Variants in CDKAL1 observed in about 807,000 individuals in gnomAD.
CDKAL1 encodes threonylcarbamoyladenosine tRNA methylthiotransferase.
In CDKAL1, 32 loss-of-function variants were observed where a neutral mutation model predicts 68.2. The observed-to-expected ratio is 0.47, with a 90% CI of 0.35 to 0.63. The LOEUF (loss-of-function observed/expected upper bound fraction) is 0.63. CDKAL1 is among the 30% of genes least tolerant of loss of function. CDKAL1 has a pLI of 0.00. For missense variants in CDKAL1, 606 were observed against 696.7 expected (o/e 0.87, Z 1.47); for synonymous variants, 234 against 244.3 (o/e 0.96, Z 0.39).
chr6:21,136,554 A>G (rs1003612883), intron 13 of CDKAL1, among the ~76,000 whole-genome samples: 1 of 152,252 alleles, frequency 6.6e-6, no homozygotes, highest in Non-Finnish European at 1.5e-5. Flanking sequence ...TTGAAAGCAC[A>G]AAGTATTCAG....
intron 4 of CDKAL1, among the ~76,000 whole-genome samples, chr6:20,618,549 G>C (rs1767031800): frequency 6.6e-6 from 1 of 152,194 alleles, no homozygotes; most frequent in Non-Finnish European, 1.5e-5. Flanking sequence ...AAGGCTTAAT[G>C]CTAGAAATTG....
intron 8 of CDKAL1, among the ~76,000 whole-genome samples, chr6:20,795,353 T>G (rs944161045): frequency 6.6e-6 from 1 of 152,164 alleles, no homozygotes; most frequent in Non-Finnish European, 1.5e-5. Flanking sequence ...TCTGAGAGAA[T>G]TAAGCCTAAA....
At chr6:21,034,031 A>G (rs1014230077) in intron 11 of CDKAL1, among the ~76,000 whole-genome samples, 1 of 152,170 alleles carries the variant, frequency 6.6e-6, no homozygotes, top group African/African-American at 2.4e-5. Context: ...TCTGCAAAGG[A>G]AAATATCTGG....
chr6:20,831,726 GT>G (rs1777726218), intron 8 of CDKAL1, among the ~76,000 whole-genome samples: 1 of 152,152 alleles, frequency 6.6e-6, no homozygotes, highest in Non-Finnish European at 1.5e-5. Flanking sequence ...TCAAGAAATG[GT>G]TTGTTGTTGT....
At position 20,539,299 on chromosome 6, in the gene CDKAL1, C is replaced by A. The variant is rs1252584001; in HGVS notation, c.-6+3905C>A. ...CTGCAGTAAAAGTATTTATTGAGAACCTGCAATGTGCTAGACATAGTTCTA... is the reference window on the plus strand; with the variant it reads ...CTGCAGTAAAAGTATTTATTGAGAAACTGCAATGTGCTAGACATAGTTCTA... On this transcript the variant is annotated intron_variant, in intron 2 of 15. Transcript: ENST00000274695. The surrounding 1 kb of genome is among the most constrained non-coding windows in gnomAD (Gnocchi z 4.3). Among the ~76,000 whole-genome samples, 1 of 152,136 alleles carries A rather than the reference C, an allele frequency of 6.6e-6. No homozygotes were observed. The highest frequency in any genetic ancestry group is 2.4e-5 in the African/African-American group (1 of 41,426).
intron 4 of CDKAL1, among the ~76,000 whole-genome samples, chr6:20,566,488 A>G (rs1764466066): frequency 6.6e-6 from 1 of 152,168 alleles, no homozygotes; most frequent in Admixed American, 6.5e-5. Context: ...AGGAAATTAT[A>G]AAATATACAT....
At chr6:20,589,106 A>G (rs1025576047) in intron 4 of CDKAL1, among the ~76,000 whole-genome samples, 1 of 152,200 alleles carries the variant, frequency 6.6e-6, no homozygotes, top group South Asian at 2.1e-4. Context: ...CTCCGTGAAC[A>G]TCTGCAGCCA....
intron 5 of CDKAL1, among the ~76,000 whole-genome samples, chr6:20,649,933 G>T (rs920921318): frequency 1.3e-5 from 2 of 152,184 alleles, no homozygotes; most frequent in African/African-American, 4.8e-5. Flanking sequence ...ATTCCATGGT[G>T]TATATGCACC....
chr6:21,134,444 TTA>T (rs1775478014), intron 13 of CDKAL1, among the ~76,000 whole-genome samples: 1 of 152,234 alleles, frequency 6.6e-6, no homozygotes, highest in Admixed American at 6.5e-5. Flanking sequence ...GTTTTATTAA[TTA>T]TGTTTTGTCA....
At chr6:20,714,923 C>T (rs1051543544) in intron 5 of CDKAL1, among the ~76,000 whole-genome samples, 2 of 151,958 alleles carry the variant, frequency 1.3e-5, no homozygotes, top group Admixed American at 6.6e-5. Flanking sequence ...GACTAGCAGC[C>T]TTGTTTTATT....
chr6:20,832,561 C>G (rs1356079783), intron 8 of CDKAL1, among the ~76,000 whole-genome samples: 1 of 151,748 alleles, frequency 6.6e-6, no homozygotes, highest in Non-Finnish European at 1.5e-5. Context: ...GAGACTGAGG[C>G]AAGAGGTTAG....
chr6:20,784,412 CTTTTTT>C (rs1175015329), intron 8 of CDKAL1, among the ~76,000 whole-genome samples: 42 of 33,482 alleles, frequency 1.3e-3, no homozygotes, highest in African/African-American at 3.2e-3. Context: ...TATTTTATTT[CTTTTTT>C]TTTTTTTTTT....
intron 13 of CDKAL1, among the ~76,000 whole-genome samples, chr6:21,138,214 T>C (rs1000841287): frequency 8.4e-6 from 1 of 119,668 alleles, no homozygotes; most frequent in African/African-American, 3.4e-5. Context: ...ATAACCCACA[T>C]TTGTGTGTGT....
At chr6:20,893,355 T>G (rs1182640072) in intron 9 of CDKAL1, among the ~76,000 whole-genome samples, 3 of 152,084 alleles carry the variant, frequency 2.0e-5, no homozygotes, top group African/African-American at 7.2e-5. Context: ...ACATGCTTGG[T>G]CCCCCACTGT....
At chr6:20,679,156 C>T (rs1190720370) in intron 5 of CDKAL1, among the ~76,000 whole-genome samples, 1 of 152,206 alleles carries the variant, frequency 6.6e-6, no homozygotes, top group African/African-American at 2.4e-5. Context: ...TCAAGCAACC[C>T]TCCTCCTGCC....
At chr6:20,691,632 C>CT (rs1412182047) in intron 5 of CDKAL1, among the ~76,000 whole-genome samples, 4 of 151,948 alleles carry the variant, frequency 2.6e-5, no homozygotes, top group Non-Finnish European at 5.9e-5. Flanking sequence ...TGAGAAAGGG[C>CT]TAAAAACAGC....
chr6:21,133,850 T>C (rs969053699), intron 13 of CDKAL1, among the ~76,000 whole-genome samples: 1 of 152,240 alleles, frequency 6.6e-6, no homozygotes, highest in African/African-American at 2.4e-5. Context: ...GAAGGCCATG[T>C]GCACATTTAC....
chr6:20,616,022 A>G lies in CDKAL1; in HGVS notation c.287-33271A>G, dbSNP rs1454841130. 1.5e-4 allele frequency among the ~76,000 whole-genome samples: 23 copies of G among 149,290 alleles called. No homozygotes were observed. In the Middle Eastern group the frequency reaches 0.014, roughly 90 times the overall value. ...ATGGCTAGCCAGTTTTCCCAGCACC[A>G]TTTATTAAATAGGGAATCCTTTCCC... On this transcript the variant is annotated intron_variant, in intron 4 of 15. Transcript: ENST00000274695.
intron 9 of CDKAL1, among the ~76,000 whole-genome samples, chr6:20,930,599 C>G (rs761413857): frequency 1.3e-5 from 2 of 152,180 alleles, no homozygotes; most frequent in Non-Finnish European, 2.9e-5. Flanking sequence ...GGACCCACAT[C>G]CCCTCATTGT....
Sources: gnomAD v4.1 joint callset for allele counts (sites outside exome capture counted in the v4.1 genomes callset) on GRCh38, gnomAD v4.1.1 for gene constraint, Gnocchi (gnomAD v3.1) non-coding constraint, MANE v1.5 for transcripts, NCBI Gene and HGNC (gene_info 2026-07-23, HGNC 2026-07-21) for gene names.